Variants in HS6ST3 observed in about 807,000 individuals in gnomAD.
HS6ST3 encodes the protein heparan sulfate 6-O-sulfotransferase 3, also known as heparan-sulfate 6-O-sulfotransferase 3.
Under a neutral mutation model 36.7 loss-of-function variants are expected in HS6ST3, and 12 were observed. That is an observed-to-expected ratio of 0.33 (90% CI 0.21 to 0.53). HS6ST3 has a LOEUF of 0.53. HS6ST3 is among the 20% of genes least tolerant of loss of function. The pLI, the probability that HS6ST3 is intolerant of heterozygous loss-of-function variation, is 0.95. For missense variants in HS6ST3, 584 were observed against 640.9 expected (o/e 0.91, Z 0.96); for synonymous variants, 240 against 257.5 (o/e 0.93, Z 0.65).
chr13:96,497,875 C>G (rs749720869), intron 1 of HS6ST3, among the ~76,000 whole-genome samples: 1 of 152,116 alleles, frequency 6.6e-6, no homozygotes, highest in Non-Finnish European at 1.5e-5. Flanking sequence ...CCCCTTTGTC[C>G]TCTGAAGGTT....
intron 1 of HS6ST3, among the ~76,000 whole-genome samples, chr13:96,341,599 G>T (rs16953101): frequency 0.014 from 2,180 of 152,242 alleles, 26 homozygotes; most frequent in East Asian, 0.054. Flanking sequence ...AGGCCCTAGG[G>T]TGAATATGAC....
chr13:96,170,463 A>G (rs2054182316), intron 1 of HS6ST3, among the ~76,000 whole-genome samples: 1 of 152,260 alleles, frequency 6.6e-6, no homozygotes, highest in Non-Finnish European at 1.5e-5. Context: ...TTGCCTAAAA[A>G]TAAGTCATTT....
chr13:96,097,116 C>A (rs2053795047), intron 1 of HS6ST3, among the ~76,000 whole-genome samples: 1 of 152,110 alleles, frequency 6.6e-6, no homozygotes, highest in Admixed American at 6.5e-5. Flanking sequence ...GTAGTGAAGA[C>A]ATGAATTGGA....
chr13:96,619,542 T>A (rs368151127), intron 1 of HS6ST3, among the ~76,000 whole-genome samples: 5 of 152,226 alleles, frequency 3.3e-5, no homozygotes, highest in African/African-American at 1.2e-4. Context: ...GATACAGGCA[T>A]TTATATAATC....
At chr13:96,519,879 G>T (rs1428204876) in intron 1 of HS6ST3, among the ~76,000 whole-genome samples, 1 of 152,100 alleles carries the variant, frequency 6.6e-6, no homozygotes, top group Non-Finnish European at 1.5e-5. Flanking sequence ...TCTTGATTTG[G>T]AAAATGTATA....
At chr13:96,120,625 A>G (rs2053920742) in intron 1 of HS6ST3, among the ~76,000 whole-genome samples, 1 of 152,174 alleles carries the variant, frequency 6.6e-6, no homozygotes, top group African/African-American at 2.4e-5. Flanking sequence ...CAAATTTTAT[A>G]AGGAGATACA....
intron 1 of HS6ST3, among the ~76,000 whole-genome samples, chr13:96,241,108 G>A (rs1017027126): frequency 1.3e-5 from 2 of 150,072 alleles, no homozygotes; most frequent in African/African-American, 2.5e-5. Context: ...AAATGAGAGG[G>A]TAATAAATCT....
chr13:96,651,942 T>C (rs1220329706), intron 1 of HS6ST3, among the ~76,000 whole-genome samples: 1 of 152,082 alleles, frequency 6.6e-6, no homozygotes, highest in African/African-American at 2.4e-5. Context: ...AATGGAAGTA[T>C]TCAGATTTGG....
chr13:96,682,308 T>C lies in HS6ST3; in HGVS notation c.708-150182T>C, dbSNP rs374659215. Among the ~76,000 whole-genome samples, 75 of 152,266 alleles carry C rather than the reference T, an allele frequency of 4.9e-4. 1 individual carries two copies. In the South Asian group the frequency reaches 0.015, roughly 30 times the overall value. ...CATAATAACCATTTAAGGCATACAA[T>C]CTCCATATATTTTCTTTTCTCTTTA... On this transcript the variant is annotated intron_variant, in intron 1 of 1. Transcript: ENST00000376705.
intron 1 of HS6ST3, among the ~76,000 whole-genome samples, chr13:96,297,284 A>G (rs949111734): frequency 6.6e-6 from 1 of 152,020 alleles, no homozygotes; most frequent in African/African-American, 2.4e-5. Context: ...CTAGTTTTCC[A>G]CAATGACCAT....
intron 1 of HS6ST3, among the ~76,000 whole-genome samples, chr13:96,567,970 T>C (rs1317973503): frequency 6.6e-6 from 1 of 152,232 alleles, no homozygotes; most frequent in Non-Finnish European, 1.5e-5. Flanking sequence ...GAATTTCTTA[T>C]ATCATGTAAT....
chr13:96,476,020 C>T (rs189372546), intron 1 of HS6ST3, among the ~76,000 whole-genome samples: 20 of 152,306 alleles, frequency 1.3e-4, no homozygotes, highest in Non-Finnish European at 1.9e-4. Context: ...CCTGCTGAGA[C>T]GCCTTGGAGG....
At chr13:96,410,844 G>T (rs919787214) in intron 1 of HS6ST3, among the ~76,000 whole-genome samples, 1 of 152,098 alleles carries the variant, frequency 6.6e-6, no homozygotes. Flanking sequence ...TCTAACTCTA[G>T]TTACGTTATG....
chr13:96,776,781 A>T (rs561760859), intron 1 of HS6ST3, among the ~76,000 whole-genome samples: 1 of 152,328 alleles, frequency 6.6e-6, no homozygotes, highest in African/African-American at 2.4e-5. Context: ...AGCTGGTACC[A>T]TTCCTTCTGA....
intron 1 of HS6ST3, among the ~76,000 whole-genome samples, chr13:96,544,953 A>G (rs1162732996): frequency 6.6e-6 from 1 of 152,244 alleles, no homozygotes; most frequent in Non-Finnish European, 1.5e-5. Context: ...CTTGAAAATT[A>G]TGCAAATAAA....
intron 1 of HS6ST3, among the ~76,000 whole-genome samples, chr13:96,192,240 G>T (rs1302826624): frequency 6.6e-6 from 1 of 152,044 alleles, no homozygotes; most frequent in Non-Finnish European, 1.5e-5. Flanking sequence ...ATTCAGATAT[G>T]AATATTTTCA....
At chr13:96,434,225 A>AT (rs1461414590) in intron 1 of HS6ST3, among the ~76,000 whole-genome samples, 3 of 152,198 alleles carry the variant, frequency 2.0e-5, no homozygotes, top group African/African-American at 7.2e-5. Flanking sequence ...GACTGATAGT[A>AT]TACCCCCAGG....
chr13:96,671,928 A>G (rs2056684072), intron 1 of HS6ST3, among the ~76,000 whole-genome samples: 1 of 152,154 alleles, frequency 6.6e-6, no homozygotes, highest in South Asian at 2.1e-4. Flanking sequence ...ACTAATACCT[A>G]AAAACAAAAT....
At chr13:96,199,886 A>G (rs1456834172) in intron 1 of HS6ST3, among the ~76,000 whole-genome samples, 1 of 152,142 alleles carries the variant, frequency 6.6e-6, no homozygotes, top group Non-Finnish European at 1.5e-5. Context: ...TAGCAGGCCA[A>G]ATGAGAATAA....
Sources: gnomAD v4.1 joint callset for allele counts (sites outside exome capture counted in the v4.1 genomes callset) on GRCh38, gnomAD v4.1.1 for gene constraint, MANE v1.5 for transcripts, NCBI Gene and HGNC (gene_info 2026-07-23, HGNC 2026-07-21) for gene names.